Variants in PRSS41 observed in about 807,000 individuals in gnomAD.
PRSS41 encodes protease, serine 41.
Under a neutral mutation model 28.8 loss-of-function variants are expected in PRSS41, and 37 were observed. That is an observed-to-expected ratio of 1.29 (90% CI 0.99 to 1.69). The LOEUF is 1.69. PRSS41 is among the 40% of genes most tolerant of loss of function. The pLI, the probability that PRSS41 is intolerant of heterozygous loss-of-function variation, is 0.00. For missense variants in PRSS41, 431 were observed against 400.7 expected, an observed-to-expected ratio of 1.08 and a Z score of -0.65; for synonymous variants, 195 against 163.1, an observed-to-expected ratio of 1.20 and a Z score of -1.49.
At chr16:2,799,461 A>G in exon 4 of PRSS41, 1 of 1,552,148 alleles carries the variant, frequency 6.4e-7, no homozygotes, top group Non-Finnish European at 8.7e-7. Flanking sequence ...CTCTTCTGTC[A>G]CCTACAATGC....
intron 4 of PRSS41, 90 bp downstream of exon 4, chr16:2,799,659 C>T (rs943235723): frequency 1.2e-5 from 16 of 1,383,888 alleles, no homozygotes; most frequent in Non-Finnish European, 1.6e-5. Context: ...GCACAGCAGC[C>T]CCCTCCTTGG....
chr16:2,801,655 G>C (rs2068986906), intron 4 of PRSS41, among the ~76,000 whole-genome samples: 2 of 150,954 alleles, frequency 1.3e-5, no homozygotes, highest in African/African-American at 4.9e-5. Flanking sequence ...ACAGGGTTGG[G>C]GGTAAGGTCA....
Position 2,804,780 on chromosome 16 carries a change from A to G in PRSS41, c.700-134A>G, listed in dbSNP as rs546664050. 123 of 844,438 alleles carry G rather than the reference A, an allele frequency of 1.5e-4. 1 individual carries two copies. Among genetic ancestry groups the G allele is most frequent in the South Asian group, 7.5e-4 (45 of 59,606 alleles). 52.3% of individuals were successfully genotyped at this position (844,438 alleles called of 1,614,324 possible). A position where few individuals can be genotyped will look rare whatever the true frequency, so the allele number is the denominator to read the frequency against. On this transcript the variant is annotated intron_variant, in intron 5 of 5. Transcript: ENST00000399677. ...GTTGCCCCACTTTGAAAGTGTAGAA[A>G]CTGAGACTTGATTCCATGGGAAGGA...
Position 2,798,532 on chromosome 16 carries a change from T to TGGACTCGGGAAGCCGGG in PRSS41, c.49_64+1dup, listed in dbSNP as rs1363777395. 1.3e-6 allele frequency: 2 copies of TGGACTCGGGAAGCCGGG among 1,530,312 alleles called. No homozygotes were observed. Among genetic ancestry groups the TGGACTCGGGAAGCCGGG allele is most frequent in the African/African-American group, 2.8e-5 (2 of 71,062 alleles). The allele number at this position is 1,530,312 out of a possible 1,614,324, so 94.8% of individuals were successfully genotyped here. On this transcript the variant is annotated frameshift_variant, in exon 1 of 6. Transcript: ENST00000399677. LOFTEE classifies it high-confidence loss of function. ...TGCTGGCGCTGCTGCTGGCTCGGGC[T>TGGACTCGGGAAGCCGGG]GGACTCGGGAAGCCGGGTGAGCTCG...
intron 4 of PRSS41, among the ~76,000 whole-genome samples, chr16:2,800,924 T>C (rs1013037224): frequency 3.9e-5 from 6 of 152,242 alleles, no homozygotes; most frequent in African/African-American, 1.4e-4. Flanking sequence ...GAGCTTTTTT[T>C]CTATTCCATA....
chr16:2,799,550 G>A (rs1326900582), exon 4 of PRSS41: 1 of 1,551,568 alleles, frequency 6.4e-7, no homozygotes, highest in Non-Finnish European at 8.7e-7. Flanking sequence ...CCGGCTGGGG[G>A]TTAATCAGCC....
rs1567267291 is a variant in PRSS41 at position 2,799,507 on chromosome 16, T to G, written c.479T>G (p.Phe160Cys). 4 of 1,551,854 alleles carry G rather than the reference T, an allele frequency of 2.6e-6. No individual in the cohort carries two copies. The East Asian group carries it at 9.8e-5, about 38-fold the overall frequency. Residue 160 changes from phenylalanine to cysteine, a missense_variant, in exon 4 of 6, where the codon TTC becomes TGC. Physicochemically the swap from Phe to Cys is radical, Grantham distance 205. Transcript: ENST00000399677. ...CCCATTTGCATCGAGTCTTCCACCT[T>G]CAACTTCGTGCACCGGCCGGACTGC... is the stretch of plus-strand genomic sequence containing the variant.
Position 2,799,646 on chromosome 16 carries a change from C to G in PRSS41, c.541+77C>G, listed in dbSNP as rs1264053567. ...ACCCTCTACCCCTGTTCCCGCTACA[C>G]AAGCACAGCAGCCCCCTCCTTGGTC... On this transcript the variant is annotated intron_variant, in intron 4 of 5. Coordinates refer to ENST00000399677, the Ensembl canonical transcript of PRSS41. 22 of 1,426,826 alleles carry G rather than the reference C, an allele frequency of 1.5e-5. No homozygotes were observed. The Admixed American group carries it at 2.6e-4, about 17-fold the overall frequency. The allele number at this position is 1,426,826 out of a possible 1,614,324, so 88.4% of individuals were successfully genotyped here.
chr16:2,804,623 A>C, intron 5 of PRSS41, 77 bp downstream of exon 5: 3 of 1,343,126 alleles, frequency 2.2e-6, no homozygotes, highest in Non-Finnish European at 3.1e-6. Context: ...TTCTCCCCCA[A>C]CCACTCCCAA....
At position 2,798,581 on chromosome 16, in the gene PRSS41, G is replaced by A. The variant is rs1333008017; in HGVS notation, c.64+33G>A. 3.9e-6 allele frequency: 6 copies of A among 1,525,728 alleles called. No homozygotes were observed. In the African/African-American group the frequency reaches 4.3e-5, roughly 11 times the overall value. 94.5% of individuals were successfully genotyped at this position (1,525,728 alleles called of 1,614,324 possible). ...CGGGGCGCTACAGGCGGGACCGGGG[G>A]CAGCGAGGAGGCCGGGAGGTGGAGG... On this transcript the variant is annotated intron_variant, in intron 1 of 5. Coordinates refer to ENST00000399677, the Ensembl canonical transcript of PRSS41.
intron 2 of PRSS41, 50 bp from the exon 3 acceptor site, chr16:2,798,909 C>T (rs1266977684): frequency 3.1e-5 from 19 of 612,938 alleles, no homozygotes; most frequent in Admixed American, 5.6e-5. Flanking sequence ...GGCGGGCCTG[C>T]CCACCCCACC....
intron 4 of PRSS41, among the ~76,000 whole-genome samples, chr16:2,800,842 C>T (rs1352172684): frequency 6.6e-6 from 1 of 152,176 alleles, no homozygotes; most frequent in African/African-American, 2.4e-5. Flanking sequence ...TTTGTAATAG[C>T]AGCTACCTTA....
chr16:2,801,074 G>C (rs979030384), intron 4 of PRSS41, among the ~76,000 whole-genome samples: 42 of 152,102 alleles, frequency 2.8e-4, no homozygotes, highest in Admixed American at 4.6e-4. Context: ...CCTGACCTCA[G>C]GTGAACTACC....
At chr16:2,805,194 G>A in exon 6 of PRSS41, 3 of 1,339,406 alleles carry the variant, frequency 2.2e-6, no homozygotes, top group South Asian at 2.6e-5. Flanking sequence ...CACAGTATTG[G>A]CTCACCTCCT....
intron 4 of PRSS41, 56 bp downstream of exon 4, chr16:2,799,625 T>C: frequency 6.7e-7 from 1 of 1,502,770 alleles, no homozygotes; most frequent in Non-Finnish European, 9.0e-7. Context: ...AGCATTACCC[T>C]CTACCCCTGT....
At chr16:2,800,256 TA>T (rs2068977358) in intron 4 of PRSS41, among the ~76,000 whole-genome samples, 1 of 152,046 alleles carries the variant, frequency 6.6e-6, no homozygotes, top group African/African-American at 2.4e-5. Flanking sequence ...GCATAAAAGA[TA>T]AAAACCAGGC....
chr16:2,804,725 C>T (rs1319851997), intron 5 of PRSS41, among the ~76,000 whole-genome samples, 179 bp downstream of exon 5: 1 of 152,246 alleles, frequency 6.6e-6, no homozygotes, highest in Non-Finnish European at 1.5e-5. Context: ...ATTCTGCCTA[C>T]ACTGATTAAC....
At chr16:2,799,496 G>A (rs1219710959) in exon 4 of PRSS41, 2 of 1,552,092 alleles carry the variant, frequency 1.3e-6, no homozygotes, top group South Asian at 1.2e-5. Context: ...TTTGCATCGA[G>A]TCTTCCACCT....
chr16:2,799,127 G>C lies in PRSS41; in HGVS notation c.257+3G>C, dbSNP rs1225631176. On this transcript the variant is annotated splice_donor_region_variant and intron_variant, in intron 3 of 5. Transcript: ENST00000399677. ...TCGGCTGCGCACTGCTTCCAAAAGT[G>C]AGTCTGGGGGGCGGCCGGGGCCTCA... 6.6e-7 allele frequency: 1 copy of C among 1,516,536 alleles called. No individual in the cohort carries two copies. The highest frequency in any genetic ancestry group is 8.8e-7 in the Non-Finnish European group (1 of 1,135,804). The allele number at this position is 1,516,536 out of a possible 1,614,324, so 93.9% of individuals were successfully genotyped here. A position where few individuals can be genotyped will look rare whatever the true frequency, so the allele number is the denominator to read the frequency against.
Sources: allele counts gnomAD v4.1 joint callset (sites outside exome capture counted in the v4.1 genomes callset), GRCh38; gene constraint gnomAD v4.1.1; transcripts MANE v1.5; gene names NCBI Gene and HGNC (gene_info 2026-07-23, HGNC 2026-07-21).